Variants in CYP4F22 observed in about 807,000 individuals in gnomAD.
CYP4F22 encodes the protein ultra-long-chain fatty acid omega-hydroxylase.
CYP4F22 carries 37 observed loss-of-function variants against 60.4 expected under a neutral mutation model. The observed-to-expected ratio is 0.61, with a 90% CI of 0.47 to 0.81. The LOEUF is 0.81. Ranked by LOEUF, CYP4F22 falls within the 30% of genes least tolerant of loss-of-function variation. CYP4F22 has a pLI of 0.00. For synonymous variants in CYP4F22, 258 were observed against 280.5 expected, an observed-to-expected ratio of 0.92 and a Z score of 0.80; for missense variants, 655 against 715.0, an observed-to-expected ratio of 0.92 and a Z score of 0.96.
At chr19:15,530,932 C>A (rs779713703) in intron 4 of CYP4F22, among the ~76,000 whole-genome samples, 1 of 152,134 alleles carries the variant, frequency 6.6e-6, no homozygotes, top group Non-Finnish European at 1.5e-5. Context: ...AGAGAACTCA[C>A]TCTCAAATGA....
chr19:15,515,472 C>T, intron 1 of CYP4F22: 2 of 799,680 alleles, frequency 2.5e-6, no homozygotes, highest in South Asian at 2.6e-5. Flanking sequence ...CGCTTGCAAT[C>T]CCAGCACTTT....
At chr19:15,540,422 C>T (rs1480370103) in intron 7 of CYP4F22, 28 bp from the exon 8 acceptor site, 3 of 1,614,042 alleles carry the variant, frequency 1.9e-6, no homozygotes, top group Non-Finnish European at 2.5e-6. Context: ...GAAGGGGCTA[C>T]ACTCATGGAT....
chr19:15,530,281 GA>G (rs1971328629), intron 4 of CYP4F22, among the ~76,000 whole-genome samples: 1 of 152,168 alleles, frequency 6.6e-6, no homozygotes, highest in African/African-American at 2.4e-5. Flanking sequence ...AGATGTGGAA[GA>G]ATTCCTTCTT....
At chr19:15,548,010 T>C (rs1439470907) in intron 10 of CYP4F22, 98 bp from the exon 11 acceptor site, 4 of 548,654 alleles carry the variant, frequency 7.3e-6, no homozygotes, top group African/African-American at 6.0e-5. Flanking sequence ...AGAGTGTGTG[T>C]GTGTGTGTGT....
chr19:15,551,252 C>T (rs752804957), intron 13 of CYP4F22, 42 bp from the exon 14 acceptor site: 2 of 1,594,200 alleles, frequency 1.3e-6, no homozygotes, highest in South Asian at 1.1e-5. Flanking sequence ...GACCAGTGCT[C>T]ACACAGAAGC....
intron 1 of CYP4F22, among the ~76,000 whole-genome samples, chr19:15,517,422 T>C (rs749441524): frequency 8.5e-5 from 13 of 152,274 alleles, no homozygotes; most frequent in Non-Finnish European, 7.3e-5. Flanking sequence ...CTTCAGCCCA[T>C]GTCTGGTAGG....
chr19:15,531,594 C>T (rs1194616769), intron 4 of CYP4F22, among the ~76,000 whole-genome samples: 1 of 152,110 alleles, frequency 6.6e-6, no homozygotes, highest in Non-Finnish European at 1.5e-5. Flanking sequence ...CCCTGTTGAA[C>T]TAAGGGGAAA....
intron 1 of CYP4F22, among the ~76,000 whole-genome samples, chr19:15,522,077 G>C (rs758555634): frequency 1.3e-5 from 2 of 151,396 alleles, no homozygotes; most frequent in African/African-American, 4.9e-5. Context: ...CCCAGGAGGC[G>C]GAGGTTGCAG....
chr19:15,533,844 T>C (rs1156701926), intron 4 of CYP4F22, among the ~76,000 whole-genome samples: 1 of 152,124 alleles, frequency 6.6e-6, no homozygotes, highest in African/African-American at 2.4e-5. Flanking sequence ...TTCATTTCAC[T>C]GTATGGATTT....
chr19:15,538,173 A>G (rs1379692911), intron 7 of CYP4F22, among the ~76,000 whole-genome samples, 180 bp downstream of exon 7: 2 of 152,186 alleles, frequency 1.3e-5, no homozygotes, highest in Non-Finnish European at 2.9e-5. Flanking sequence ...TTTAATCAAA[A>G]AAATGGGCAT....
At chr19:15,545,570 AC>A (rs34297249) in intron 10 of CYP4F22, among the ~76,000 whole-genome samples, 32,420 of 145,984 alleles carry the variant, frequency 0.22, 4,046 homozygotes, top group South Asian at 0.33. Context: ...GACTGCTTGA[AC>A]CCAGGAGGTG....
intron 1 of CYP4F22, among the ~76,000 whole-genome samples, chr19:15,511,601 G>C (rs1971093058): frequency 6.6e-6 from 1 of 152,232 alleles, no homozygotes; most frequent in African/African-American, 2.4e-5. Flanking sequence ...AAGCCAAGGT[G>C]GCACCATGAA....
chr19:15,510,242 A>G (rs1759958118), intron 1 of CYP4F22, among the ~76,000 whole-genome samples: 1 of 152,034 alleles, frequency 6.6e-6, no homozygotes, highest in South Asian at 2.1e-4. Context: ...TCAGCCTCCC[A>G]AAGTGCTGGG....
At chr19:15,513,404 A>G (rs1301030232) in intron 1 of CYP4F22, among the ~76,000 whole-genome samples, 3 of 136,244 alleles carry the variant, frequency 2.2e-5, no homozygotes, top group Non-Finnish European at 4.6e-5. Context: ...TCACTCTGTC[A>G]CCGAGGCTGG....
intron 7 of CYP4F22, among the ~76,000 whole-genome samples, chr19:15,539,612 C>G (rs1323655893): frequency 6.6e-6 from 1 of 152,186 alleles, no homozygotes; most frequent in Non-Finnish European, 1.5e-5. Flanking sequence ...AACTGCTAAA[C>G]TTTATTTCAG....
intron 11 of CYP4F22, 131 bp downstream of exon 11, chr19:15,548,372 T>A: frequency 7.1e-7 from 1 of 1,400,210 alleles, no homozygotes. Context: ...TCTGTGTGCC[T>A]GTTGCTTCTG....
rs1971269608 is a variant in CYP4F22 at position 15,525,351 on chromosome 19, A to T, written c.15A>T (p.Thr5=). 1 of 1,613,610 alleles carries T rather than the reference A, an allele frequency of 6.2e-7. No homozygotes were observed. Among genetic ancestry groups the T allele is most frequent in the African/African-American group, 1.3e-5 (1 of 74,922 alleles). The change falls in exon 3 of 14, where the codon ACA becomes ACT. Residue 5 remains threonine, a synonymous_variant. Transcript: ENST00000269703. The part of the protein sequence containing the change: MLPI[T]DRLLHLLGLE... Reference sequence around the variant, plus strand: ...GTGTCCCCAGGATGCTGCCCATCACAGACCGCCTGCTGCACCTCCTGGGGC... The same window carrying T: ...GTGTCCCCAGGATGCTGCCCATCACTGACCGCCTGCTGCACCTCCTGGGGC...
rs1223137018 is a variant in CYP4F22 at position 15,533,351 on chromosome 19, T to G, written c.367+3498T>G. 3.3e-5 allele frequency among the ~76,000 whole-genome samples: 5 copies of G among 151,946 alleles called. No individual in the cohort carries two copies. In the South Asian group the frequency reaches 1.0e-3, roughly 31 times the overall value. On this transcript the variant is annotated intron_variant, in intron 4 of 13. Transcript: ENST00000269703. Reference sequence around the variant, plus strand: ...GGGCAACCACCAGCATTTTCCAGTTTCAAAATTTTTAGTCACCTCATAAAA... The same window carrying G: ...GGGCAACCACCAGCATTTTCCAGTTGCAAAATTTTTAGTCACCTCATAAAA...
Position 15,525,485 on chromosome 19 carries a change from A to G in CYP4F22, c.149A>G (p.Tyr50Cys). 6.2e-7 allele frequency: 1 copy of G among 1,613,774 alleles called. No individual in the cohort carries two copies. The highest frequency in any genetic ancestry group is 1.1e-5 in the South Asian group (1 of 91,082). The change falls in exon 3 of 14, where the codon TAC (tyrosine) becomes TGC (cysteine). Residue 50 changes from tyrosine to cysteine, a missense_variant. Coordinates refer to ENST00000269703, the MANE Select transcript of CYP4F22 (RefSeq NM_173483.4). ...LRFLRLCRSFYITCRRLRCFP... is the reference protein window; with the variant it reads ...LRFLRLCRSFCITCRRLRCFP... The stretch of plus-strand genomic sequence containing the variant: ...TTCCTGAGGCTCTGCAGGAGCTTCT[A>G]CATCACCTGCCGCCGGCTGCGCTGC...
Sources: allele counts gnomAD v4.1 joint callset (sites outside exome capture counted in the v4.1 genomes callset), GRCh38; gene constraint gnomAD v4.1.1; transcripts MANE v1.5; gene names NCBI Gene and HGNC (gene_info 2026-07-23, HGNC 2026-07-21).